PHAX: variants seen among roughly 807,000 people sequenced by gnomAD.
PHAX encodes phosphorylated adapter RNA export protein.
A neutral mutation model predicts 41.6 loss-of-function variants in PHAX; 31 were observed. The ratio of observed to expected loss-of-function variants is 0.75; its 90% CI spans 0.56 to 1.01. The LOEUF (loss-of-function observed/expected upper bound fraction) is 1.01, where lower values mean the gene tolerates loss of function less well. PHAX is among the 50% of genes least tolerant of loss of function. The pLI is 0.00. For missense variants in PHAX, 453 were observed against 472.9 expected, an observed-to-expected ratio of 0.96 and a Z score of 0.39; for synonymous variants, 175 against 164.9, an observed-to-expected ratio of 1.06 and a Z score of -0.47.
chr5:126,616,047 C>CTTTT (rs35245075), intron 3 of PHAX, among the ~76,000 whole-genome samples: 1 of 123,800 alleles, frequency 8.1e-6, no homozygotes, highest in African/African-American at 3.1e-5. Flanking sequence ...CAACCACCAA[C>CTTTT]TTTTTTTTTT....
At chr5:126,609,008 A>AAAAC (rs1390078261) in intron 3 of PHAX, among the ~76,000 whole-genome samples, 1 of 152,012 alleles carries the variant, frequency 6.6e-6, no homozygotes, top group Non-Finnish European at 1.5e-5. Context: ...CCCTGACAAA[A>AAAAC]AAACAAACAA....
Position 126,624,879 on chromosome 5 carries a change from T to C in PHAX, c.*35T>C, listed in dbSNP as rs1173727393. The C allele has an allele frequency of 1.3e-6, 2 of 1,553,334 alleles. No homozygotes were observed. The highest frequency in any genetic ancestry group is 2.1e-5 in the Admixed American group (1 of 47,286). ...CAACAGTTTGAGGACTAAGCCTTTC[T>C]AAAATAACATTGTAATAAACCATTT... On this transcript the variant is annotated 3_prime_UTR_variant, in exon 5 of 5. Transcript: ENST00000297540.
chr5:126,609,104 T>TTTTTTTTTTC (rs1752038905), intron 3 of PHAX, among the ~76,000 whole-genome samples: 1 of 136,662 alleles, frequency 7.3e-6, no homozygotes, highest in African/African-American at 3.0e-5. Context: ...AATTTTTTTT[T>TTTTTTTTTTC]TTTTTTTTTT....
At chr5:126,603,547 A>G (rs1751936229) in intron 1 of PHAX, 23 bp from the exon 2 acceptor site, 2 of 1,574,446 alleles carry the variant, frequency 1.3e-6, no homozygotes, top group Non-Finnish European at 1.7e-6. Context: ...TGTGAAATTG[A>G]TTGTGTTTCT....
chr5:126,602,231 G>A (rs541314963), intron 1 of PHAX, among the ~76,000 whole-genome samples: 5 of 152,084 alleles, frequency 3.3e-5, no homozygotes, highest in Admixed American at 2.6e-4. Context: ...ACAGGCGCGA[G>A]CCACCGCGCC....
chr5:126,614,860 G>A (rs1218786418), intron 3 of PHAX, among the ~76,000 whole-genome samples: 4 of 151,936 alleles, frequency 2.6e-5, no homozygotes, highest in South Asian at 2.1e-4. Flanking sequence ...GGGTTCAAGC[G>A]ATTCTCCTGC....
intron 1 of PHAX, 109 bp from the exon 2 acceptor site, chr5:126,603,461 A>C: frequency 8.4e-7 from 1 of 1,184,480 alleles, no homozygotes; most frequent in Non-Finnish European, 1.2e-6. Context: ...TTGTCTTTGA[A>C]GATCAGTTCC....
chr5:126,620,778 C>G (rs1752256679), intron 4 of PHAX, among the ~76,000 whole-genome samples: 1 of 152,064 alleles, frequency 6.6e-6, no homozygotes, highest in South Asian at 2.1e-4. Flanking sequence ...CTCACTCTGT[C>G]CCCTAGGCTG....
intron 4 of PHAX, among the ~76,000 whole-genome samples, chr5:126,621,277 C>T (rs912535787): frequency 6.6e-6 from 1 of 152,148 alleles, no homozygotes; most frequent in Non-Finnish European, 1.5e-5. Flanking sequence ...TAGCCTCAAA[C>T]TCCAGGGCTC....
intron 2 of PHAX, 80 bp downstream of exon 2, chr5:126,604,263 A>C (rs1381121561): frequency 1.8e-5 from 19 of 1,041,496 alleles, no homozygotes; most frequent in Non-Finnish European, 2.5e-5. Flanking sequence ...AAATACTTTA[A>C]TGATATGTTC....
chr5:126,623,023 G>C (rs1752295320), intron 4 of PHAX, among the ~76,000 whole-genome samples: 1 of 151,948 alleles, frequency 6.6e-6, no homozygotes, highest in Non-Finnish European at 1.5e-5. Flanking sequence ...CTACTCTAGA[G>C]GCCAAGGCAT....
intron 3 of PHAX, among the ~76,000 whole-genome samples, chr5:126,610,169 T>C (rs186992895): frequency 1.8e-3 from 280 of 152,268 alleles, no homozygotes; most frequent in African/African-American, 5.9e-3. Flanking sequence ...CCTGGGGTGG[T>C]AGAGCAATAA....
intron 4 of PHAX, 52 bp downstream of exon 4, chr5:126,617,385 C>G: frequency 1.0e-6 from 1 of 996,880 alleles, no homozygotes; most frequent in South Asian, 1.5e-5. Flanking sequence ...GACTTCTACT[C>G]ACCCTCTACC....
In PHAX at chr5:126,626,106, C is replaced by A. The variant is rs1142104; in HGVS notation, c.*1262C>A. ...CATTAAAAAATTTTTCAAGCTGGGC[C>A]TAGTGGCGCACACCTGCAATCCCAA... On this transcript the variant is annotated 3_prime_UTR_variant, in exon 5 of 5. Transcript: ENST00000297540. 6.6e-6 allele frequency: 1 copy of A among 152,014 alleles called. No individual in the cohort carries two copies. The highest frequency in any genetic ancestry group is 2.4e-5 in the African/African-American group (1 of 41,346). The allele number at this position is 152,014 out of a possible 1,614,324, so 9.4% of individuals were successfully genotyped here. A position where few individuals can be genotyped will look rare whatever the true frequency, so the allele number is the denominator to read the frequency against.
intron 3 of PHAX, among the ~76,000 whole-genome samples, chr5:126,616,050 T>C (rs1163936813): frequency 6.7e-6 from 1 of 149,242 alleles, no homozygotes; most frequent in African/African-American, 2.5e-5. Flanking sequence ...CCACCAACTT[T>C]TTTTTTTTTT....
chr5:126,619,458 C>T (rs1006055593), intron 4 of PHAX, among the ~76,000 whole-genome samples: 8 of 151,968 alleles, frequency 5.3e-5, no homozygotes, highest in Non-Finnish European at 1.2e-4. Flanking sequence ...CGCCTGTAAT[C>T]CCTGCTACTC....
At chr5:126,619,616 AAT>A (rs1326799192) in intron 4 of PHAX, among the ~76,000 whole-genome samples, 1 of 151,884 alleles carries the variant, frequency 6.6e-6, no homozygotes, top group Non-Finnish European at 1.5e-5. Flanking sequence ...TATCTTACAG[AAT>A]ATTAGGTTAC....
intron 1 of PHAX, among the ~76,000 whole-genome samples, chr5:126,603,076 A>C (rs1224848941): frequency 2.4e-5 from 2 of 81,676 alleles, no homozygotes; most frequent in African/African-American, 1.7e-4. Context: ...AAAAAATGCA[A>C]AAAAAAAAAA....
intron 3 of PHAX, among the ~76,000 whole-genome samples, chr5:126,612,073 A>C (rs1752111146): frequency 6.6e-6 from 1 of 152,170 alleles, no homozygotes; most frequent in Admixed American, 6.6e-5. Flanking sequence ...AAAATTTGAC[A>C]GTGCCTTAAA....
Sources: allele counts gnomAD v4.1 joint callset (sites outside exome capture counted in the v4.1 genomes callset), GRCh38; gene constraint gnomAD v4.1.1; transcripts MANE v1.5; gene names NCBI Gene and HGNC (gene_info 2026-07-23, HGNC 2026-07-21).